Variants in CP observed in about 807,000 individuals in gnomAD.
The protein encoded by CP is caeruloplasmin.
A neutral mutation model predicts 122.4 loss-of-function variants in CP; 64 were observed. The ratio of observed to expected loss-of-function variants is 0.52; its 90% CI spans 0.43 to 0.64. The LOEUF is 0.64. Ranked by LOEUF, CP falls within the 30% of genes least tolerant of loss-of-function variation. CP has a pLI of 0.00. For missense variants in CP, 1,167 were observed against 1,284.4 expected, an observed-to-expected ratio of 0.91 and a Z score of 1.40; for synonymous variants, 440 against 436.4, an observed-to-expected ratio of 1.01 and a Z score of -0.10.
rs1728823644 is a variant in CP at position 149,221,727 on chromosome 3, C to T, written c.66G>A (p.Lys22=). 9 of 1,613,322 alleles carry T rather than the reference C, an allele frequency of 5.6e-6. No individual in the cohort carries two copies. The South Asian group carries it at 7.7e-5, about 14-fold the overall frequency. The change falls in exon 1 of 19, where the codon AAG becomes AAA. Residue 22 remains lysine, a synonymous_variant. Transcript: ENST00000264613. The stretch of plus-strand genomic sequence containing the variant: ...TTTCAATAATTCCAATGTAATAATG[C>T]TTTTCTTTCGCCCAGGCTGGGGTAC... ...LCSTPAWAKE[K]HYYIGIIETT...
In CP at chr3:149,183,702, A is replaced by G; in HGVS notation, c.2286-97T>C. Reference sequence around the variant, plus strand: ...TTTGAATAAAAATATAGTTTTTATTAGAGTAATTATAGTAGTTTTAAATCA... The same window carrying G: ...TTTGAATAAAAATATAGTTTTTATTGGAGTAATTATAGTAGTTTTAAATCA... On this transcript the variant is annotated intron_variant, in intron 12 of 18. Transcript: ENST00000264613. 1.7e-5 allele frequency: 15 copies of G among 863,198 alleles called. No individual in the cohort carries two copies. The South Asian group carries it at 2.5e-4, about 15-fold the overall frequency. The allele number at this position is 863,198 out of a possible 1,614,324, so 53.5% of individuals were successfully genotyped here. A position where few individuals can be genotyped will look rare whatever the true frequency, so the allele number is the denominator to read the frequency against.
intron 9 of CP, among the ~76,000 whole-genome samples, chr3:149,188,940 G>GA (rs1234223041): frequency 6.6e-6 from 1 of 151,986 alleles, no homozygotes; most frequent in Non-Finnish European, 1.5e-5. Flanking sequence ...TTATCAAATT[G>GA]AAAAAAATCA....
chr3:149,203,808 T>C (rs956589571), intron 6 of CP, among the ~76,000 whole-genome samples: 1 of 152,174 alleles, frequency 6.6e-6, no homozygotes, highest in Non-Finnish European at 1.5e-5. Context: ...CACGTGGACC[T>C]TACATCTGGC....
rs774953615 is a variant in CP at position 149,206,168 on chromosome 3, CTTCCA to C, written c.1203_1207del (p.Gly402Ter). On this transcript the variant is annotated frameshift_variant and splice_region_variant, in exon 6 of 19. Coordinates refer to ENST00000264613, the MANE Select transcript of CP (RefSeq NM_000096.4). LOFTEE classifies it high-confidence loss of function. Reference sequence around the variant, plus strand: ...ATAGTACTCTTTTTTTGTAAATTACCTTCCAGGTGCTGTTAAGTTTTCTTTAGTGA... The same window carrying C: ...ATAGTACTCTTTTTTTGTAAATTACCGGTGCTGTTAAGTTTTCTTTAGTGA... The C allele has an allele frequency of 6.2e-7, 1 of 1,613,526 alleles. No individual in the cohort carries two copies. Among genetic ancestry groups the C allele is most frequent in the South Asian group, 1.1e-5 (1 of 91,060 alleles).
At chr3:149,167,945 G>T (rs1194331459), downstream of CP, 1 of 1,604,246 alleles carries the variant, frequency 6.2e-7, no homozygotes, top group African/African-American at 1.3e-5. Context: ...ATAAAATGTG[G>T]TGGAGAGAAG....
At chr3:149,200,940 T>G (rs368990328) in intron 7 of CP, among the ~76,000 whole-genome samples, 1 of 151,704 alleles carries the variant, frequency 6.6e-6, no homozygotes, top group African/African-American at 2.4e-5. Flanking sequence ...GAGTCACCGC[T>G]AGGAAAAAAA....
In CP at chr3:149,206,274, C is replaced by T. The variant is rs1727712183; in HGVS notation, c.1102G>A (p.Gly368Arg). Residue 368 changes from glycine (G) to arginine (R), a missense_variant, in exon 6 of 19, where the codon GGG becomes AGG. Gly to Arg is a moderately radical substitution (Grantham distance 125). Around this residue, in one of 2 missense-constraint regions of CP, gnomAD observed 642 missense variants for 627.3 expected, o/e 1.02. Coordinates refer to ENST00000264613, the MANE Select transcript of CP (RefSeq NM_000096.4). ...ATGTAGTAGTGTCTAACATGCTTCC[C>T]ACGGATATTATCCTTTGATGAAGAC... is the stretch of plus-strand genomic sequence containing the variant. ...NKSSSKDNIR[G>R]KHVRHYYIAA... is the part of the protein sequence containing the mutation. 3 of 1,613,978 alleles carry T rather than the reference C, an allele frequency of 1.9e-6. No homozygotes were observed. Among genetic ancestry groups the T allele is most frequent in the Non-Finnish European group, 2.5e-6 (3 of 1,179,888 alleles).
At chr3:149,184,567 T>C (rs1726027192) in intron 12 of CP, among the ~76,000 whole-genome samples, 1 of 152,110 alleles carries the variant, frequency 6.6e-6, no homozygotes, top group Admixed American at 6.6e-5. Context: ...AGTGGGATGA[T>C]GGAGAGGAAA....
rs1299386821 is a variant in CP at position 149,185,434 on chromosome 3, A to G, written c.2090T>C (p.Val697Ala). 2 of 1,614,186 alleles carry G rather than the reference A, an allele frequency of 1.2e-6. No individual in the cohort carries two copies. The highest frequency in any genetic ancestry group is 4.5e-5 in the East Asian group (2 of 44,884). ...GTAATGATCAGTTGTAAGGCATTCA[A>G]CATTAAAAGTCCCTGGAGTGGTAAA... is the stretch of plus-strand genomic sequence containing the variant. ...MWPDTEGTFN[V>A]ECLTTDHYTG... The change falls in exon 12 of 19, where the codon GTT becomes GCT. Residue 697 changes from valine (V) to alanine (A), a missense_variant. Around this residue, in one of 2 missense-constraint regions of CP, gnomAD observed 525 missense variants for 657.2 expected, o/e 0.80. Coordinates refer to ENST00000264613, the MANE Select transcript of CP (RefSeq NM_000096.4).
rs141211961 is a variant in CP, at chr3:149,196,340, T to C, written c.1713+2027A>G. Reference sequence around the variant, plus strand: ...CAAATTTGAATAGAAAGTATAAGTATGAAATCATGATGAATTTATCTGAAA... The same window carrying C: ...CAAATTTGAATAGAAAGTATAAGTACGAAATCATGATGAATTTATCTGAAA... On this transcript the variant is annotated intron_variant, in intron 9 of 18. Transcript: ENST00000264613. Among the ~76,000 whole-genome samples, 398 of 152,306 alleles carry C rather than the reference T, an allele frequency of 2.6e-3. 1 individual carries two copies. The highest frequency in any genetic ancestry group is 9.1e-3 in the African/African-American group (379 of 41,568).
exon 6 of CP, chr3:149,162,418 T>C (rs768984089): frequency 5.4e-6 from 7 of 1,292,680 alleles, no homozygotes; most frequent in Non-Finnish European, 6.7e-6. Flanking sequence ...AGTGAGTTTT[T>C]CATTTGTTTG....
intron 7 of CP, among the ~76,000 whole-genome samples, chr3:149,200,455 T>A (rs549522919): frequency 2.0e-5 from 3 of 152,318 alleles, no homozygotes; most frequent in South Asian, 2.1e-4. Context: ...ATAACTATTG[T>A]TCCCATTTTA....
intron 10 of CP, 198 bp downstream of exon 10, chr3:149,187,854 C>T: frequency 1.7e-6 from 1 of 590,284 alleles, no homozygotes; most frequent in African/African-American, 1.8e-5. Context: ...ATGTAATTGA[C>T]ATATCTTGAA....
intron 9 of CP, among the ~76,000 whole-genome samples, chr3:149,192,178 A>T (rs1009584286): frequency 6.6e-6 from 1 of 152,084 alleles, no homozygotes; most frequent in South Asian, 2.1e-4. Context: ...AATAAAAACA[A>T]TGTGGTACAG....
rs1481132976 is a variant in CP at position 149,206,201 on chromosome 3, A to G, written c.1175T>C (p.Ile392Thr). ...TGCTGTTAAGTTTTCTTTAGTGAAG[A>G]TGTCTATACCAGAGGGAGCATAGTT... The part of the protein sequence containing the change: ...IWNYAPSGID[I>T]FTKENLTAPG... The change falls in exon 6 of 19, where the codon ATC (isoleucine) becomes ACC (threonine). Residue 392 changes from isoleucine to threonine, a missense_variant. By Grantham distance (89) the Ile-to-Thr change is moderately conservative (BLOSUM62 -1). Around this residue, in one of 2 missense-constraint regions of CP, gnomAD observed 642 missense variants for 627.3 expected, o/e 1.02. Transcript: ENST00000264613. 1.2e-6 allele frequency: 2 copies of G among 1,613,940 alleles called. No homozygotes were observed. Among genetic ancestry groups the G allele is most frequent in the South Asian group, 2.2e-5 (2 of 91,078 alleles).
At chr3:149,168,057 T>G, downstream of CP, 1 of 909,334 alleles carries the variant, frequency 1.1e-6, no homozygotes, top group Non-Finnish European at 1.8e-6. Context: ...TTCTTAAGTA[T>G]TTTCATGTGA....
intron 1 of CP, among the ~76,000 whole-genome samples, chr3:149,220,885 T>C (rs1449802516): frequency 6.6e-6 from 1 of 152,210 alleles, no homozygotes; most frequent in Non-Finnish European, 1.5e-5. Flanking sequence ...GACCTCAGTA[T>C]AGATAAACTT....
intron 18 of CP, 24 bp downstream of exon 18, chr3:149,176,226 T>G (rs762499367): frequency 6.2e-7 from 1 of 1,608,058 alleles, no homozygotes; most frequent in Non-Finnish European, 8.5e-7. Context: ...ATATGGCTTC[T>G]AGAATTACTA....
intron 14 of CP, among the ~76,000 whole-genome samples, chr3:149,181,493 A>G (rs1468582155): frequency 6.6e-6 from 1 of 152,206 alleles, no homozygotes; most frequent in Non-Finnish European, 1.5e-5. Context: ...GAAGAAAAAT[A>G]TGGTTCTTAT....
Sources: allele counts gnomAD v4.1 joint callset (sites outside exome capture counted in the v4.1 genomes callset), GRCh38; gene constraint gnomAD v4.1.1; regional missense constraint gnomAD v4.1.1; transcripts MANE v1.5; gene names NCBI Gene and HGNC (gene_info 2026-07-23, HGNC 2026-07-21).